The following WDR37 variants were observed in gnomAD, a reference collection of about 807,000 sequenced individuals.
WDR37 encodes WD repeat domain 37.
WDR37 carries 19 observed loss-of-function variants against 62.9 expected under a neutral mutation model. That is an observed-to-expected ratio of 0.30 (90% CI 0.21 to 0.44). The LOEUF is 0.44. WDR37 is among the 20% of genes least tolerant of loss of function. The probability of loss-of-function intolerance (pLI) is 1.00; values close to 1 mark genes in which losing one functional copy is unlikely to be tolerated. For synonymous variants in WDR37, 250 were observed against 260.9 expected (o/e 0.96, Z 0.40); for missense variants, 474 against 657.6 (o/e 0.72, Z 3.05).
At chr10:1,100,033 GT>G (rs1472652670) in intron 9 of WDR37, among the ~76,000 whole-genome samples, 2 of 152,222 alleles carry the variant, frequency 1.3e-5, no homozygotes, top group Non-Finnish European at 2.9e-5. Context: ...TGTATGGATT[GT>G]TTTCCAAATA....
intron 1 of WDR37, among the ~76,000 whole-genome samples, chr10:1,069,838 A>C (rs1241258063): frequency 6.6e-6 from 1 of 152,178 alleles, no homozygotes; most frequent in African/African-American, 2.4e-5. Context: ...TTGTACTGTA[A>C]TGATGTAAGA....
At chr10:1,092,872 CAAA>C (rs56220560) in intron 7 of WDR37, among the ~76,000 whole-genome samples, 29 of 41,974 alleles carry the variant, frequency 6.9e-4, no homozygotes, top group African/African-American at 2.1e-3. Context: ...CCCTATCTCA[CAAA>C]AAAAAAAAAA....
At chr10:1,074,708 C>A (rs1833817170) in intron 2 of WDR37, among the ~76,000 whole-genome samples, 2 of 152,190 alleles carry the variant, frequency 1.3e-5, no homozygotes, top group African/African-American at 2.4e-5. Context: ...TGGGCTCGTT[C>A]TAGACAGTGT....
In WDR37 at chr10:1,087,202, G is replaced by A. The variant is rs142170523; in HGVS notation, c.604+845G>A. Among the ~76,000 whole-genome samples the A allele has an allele frequency of 6.4e-4, 97 of 152,050 alleles. 1 individual carries two copies. Among genetic ancestry groups the A allele is most frequent in the African/African-American group, 2.2e-3 (90 of 41,460 alleles). The stretch of plus-strand genomic sequence containing the variant: ...CCCCTTAGTGTGTAGACAGGCTGGC[G>A]CCTTTCCCGTGTTAGACCCCCTCCT... On this transcript the variant is annotated intron_variant, in intron 7 of 13. Coordinates refer to ENST00000263150, the MANE Select transcript of WDR37 (RefSeq NM_014023.4).
intron 11 of WDR37, among the ~76,000 whole-genome samples, chr10:1,113,950 CTTTTT>C (rs56654628): frequency 2.2e-4 from 17 of 76,196 alleles, no homozygotes; most frequent in Admixed American, 1.3e-3. Context: ...GGTAAAATGC[CTTTTT>C]TTTTTTTTTT....
chr10:1,108,739 G>GCCCCC (rs3055726), intron 11 of WDR37, among the ~76,000 whole-genome samples: 5 of 111,910 alleles, frequency 4.5e-5, no homozygotes, highest in African/African-American at 1.6e-4. Context: ...CTTCTGTGAT[G>GCCCCC]CCCCCCCCCC....
intron 1 of WDR37, among the ~76,000 whole-genome samples, chr10:1,062,349 A>C (rs1833399189): frequency 6.6e-6 from 1 of 152,226 alleles, no homozygotes; most frequent in Non-Finnish European, 1.5e-5. Flanking sequence ...TCAGTGATCC[A>C]AAACTTATAA....
intron 8 of WDR37, 53 bp downstream of exon 8, chr10:1,093,549 C>T: frequency 1.4e-6 from 2 of 1,388,304 alleles, no homozygotes; most frequent in Middle Eastern, 1.8e-4. Flanking sequence ...CTTAAAACAA[C>T]TATAAATATT....
chr10:1,102,769 T>G (rs1178099682), intron 9 of WDR37, among the ~76,000 whole-genome samples: 1 of 152,164 alleles, frequency 6.6e-6, no homozygotes, highest in Non-Finnish European at 1.5e-5. Context: ...TTCCAAATTA[T>G]CAGTTCCAGT....
At chr10:1,125,560 A>C (rs972382918) in intron 13 of WDR37, among the ~76,000 whole-genome samples, 1 of 152,222 alleles carries the variant, frequency 6.6e-6, no homozygotes, top group Admixed American at 6.5e-5. Context: ...TAAAGAAAAC[A>C]TGCAGCTCCT....
intron 7 of WDR37, among the ~76,000 whole-genome samples, chr10:1,088,631 T>C (rs1196477417): frequency 6.6e-6 from 1 of 151,308 alleles, no homozygotes; most frequent in African/African-American, 2.4e-5. Context: ...AGATCACAGG[T>C]CACTATTAAC....
chr10:1,114,531 G>A (rs1362304700), intron 11 of WDR37, among the ~76,000 whole-genome samples: 1 of 152,224 alleles, frequency 6.6e-6, no homozygotes, highest in Non-Finnish European at 1.5e-5. Flanking sequence ...GTTTTTAGAG[G>A]TAATGCGGTT....
intron 11 of WDR37, among the ~76,000 whole-genome samples, chr10:1,114,795 G>A (rs1390725293): frequency 6.6e-6 from 1 of 152,210 alleles, no homozygotes; most frequent in Non-Finnish European, 1.5e-5. Context: ...AATTCCATAA[G>A]TCTGGCCCTC....
chr10:1,117,513 A>C (rs1835440027), intron 11 of WDR37, among the ~76,000 whole-genome samples: 1 of 152,220 alleles, frequency 6.6e-6, no homozygotes, highest in South Asian at 2.1e-4. Context: ...ATTGCGTTTG[A>C]ATCGCTCTAC....
rs550216622 is a variant in WDR37 at position 1,074,439 on chromosome 10, G to C, written c.138+2146G>C. ...TCCACCTTTGGCCTGTGTCTCCCACGCTCGCTCCCTAGACGGAGCTCATTT... is the reference window on the plus strand; with the variant it reads ...TCCACCTTTGGCCTGTGTCTCCCACCCTCGCTCCCTAGACGGAGCTCATTT... On this transcript the variant is annotated intron_variant, in intron 2 of 13. Coordinates refer to ENST00000263150, the MANE Select transcript of WDR37 (RefSeq NM_014023.4). 10 of 1,304,144 alleles carry C rather than the reference G, an allele frequency of 7.7e-6. 1 individual carries two copies. The South Asian group carries it at 1.1e-4, about 14-fold the overall frequency. The allele number at this position is 1,304,144 out of a possible 1,614,324, so 80.8% of individuals were successfully genotyped here. A position where few individuals can be genotyped will look rare whatever the true frequency, so the allele number is the denominator to read the frequency against.
intron 2 of WDR37, among the ~76,000 whole-genome samples, chr10:1,077,027 GA>G (rs1833900464): frequency 6.6e-6 from 1 of 151,222 alleles, no homozygotes. Flanking sequence ...GGTAAGTATT[GA>G]AACACTATTT....
intron 11 of WDR37, among the ~76,000 whole-genome samples, chr10:1,108,084 T>C (rs1380816502): frequency 6.6e-6 from 1 of 152,264 alleles, no homozygotes; most frequent in Non-Finnish European, 1.5e-5. Context: ...AACTCCAGCA[T>C]GCATTTTCTA....
In WDR37 at chr10:1,130,901, C is replaced by T. The variant is rs1373358048; in HGVS notation, c.*1557C>T. 2 of 152,090 alleles carry T rather than the reference C, an allele frequency of 1.3e-5. No homozygotes were observed. Among genetic ancestry groups the T allele is most frequent in the African/African-American group, 4.8e-5 (2 of 41,376 alleles). The allele number at this position is 152,090 out of a possible 1,614,324, so 9.4% of individuals were successfully genotyped here. On this transcript the variant is annotated 3_prime_UTR_variant, in exon 14 of 14. Transcript: ENST00000263150. ...TCGAATCTAAGTCATCTAGAATGAC[C>T]CTGAAATGACTGACAGCCCCGGGCC...
At chr10:1,078,450 A>G (rs1432497951) in intron 3 of WDR37, among the ~76,000 whole-genome samples, 2 of 152,194 alleles carry the variant, frequency 1.3e-5, no homozygotes, top group Non-Finnish European at 2.9e-5. Context: ...TTTATCAGAC[A>G]GTATAAAAAG....
Sources: allele counts gnomAD v4.1 joint callset (sites outside exome capture counted in the v4.1 genomes callset), GRCh38; gene constraint gnomAD v4.1.1; transcripts MANE v1.5; gene names NCBI Gene and HGNC (gene_info 2026-07-23, HGNC 2026-07-21).